SUSD6: variants seen among roughly 807,000 people sequenced by gnomAD.
SUSD6 encodes sushi domain-containing protein 6.
Under a neutral mutation model 28.4 loss-of-function variants are expected in SUSD6, and 16 were observed. The observed-to-expected ratio is 0.56, with a 90% CI of 0.38 to 0.86. The LOEUF is 0.86. SUSD6 is among the 40% of genes least tolerant of loss of function. The pLI, the probability that SUSD6 is intolerant of heterozygous loss-of-function variation, is 0.00. For synonymous variants in SUSD6, 147 were observed against 159.6 expected (o/e 0.92, Z 0.59); for missense variants, 341 against 384.2 (o/e 0.89, Z 0.94).
rs1886521314 is a variant in SUSD6 at position 69,714,656 on chromosome 14, G to T, written c.*3677G>T. ...ATGGTGTAGTTGCTGGTTCCCTAGAGAGGAAAAGGTGGCAGGCCCAGCTTT... is the reference window on the plus strand; with the variant it reads ...ATGGTGTAGTTGCTGGTTCCCTAGATAGGAAAAGGTGGCAGGCCCAGCTTT... On this transcript the variant is annotated 3_prime_UTR_variant, in exon 6 of 6. Transcript: ENST00000342745. The T allele has an allele frequency of 6.6e-6, 1 of 152,262 alleles. No individual in the cohort carries two copies. Among genetic ancestry groups the T allele is most frequent in the Non-Finnish European group, 1.5e-5 (1 of 68,082 alleles). 9.4% of individuals were successfully genotyped at this position (152,262 alleles called of 1,614,324 possible).
intron 2 of SUSD6, among the ~76,000 whole-genome samples, chr14:69,672,212 C>T (rs1829109211): frequency 6.6e-6 from 1 of 152,160 alleles, no homozygotes. Context: ...GCTTGAAGCC[C>T]AAACCTATGG....
At chr14:69,655,653 AG>A (rs1162611257) in intron 1 of SUSD6, among the ~76,000 whole-genome samples, 2 of 151,552 alleles carry the variant, frequency 1.3e-5, no homozygotes, top group East Asian at 3.9e-4. Flanking sequence ...AAAAAAAAAA[AG>A]TTAGGTGTGG....
chr14:69,657,163 A>T (rs1364464130), intron 1 of SUSD6, among the ~76,000 whole-genome samples: 1 of 152,152 alleles, frequency 6.6e-6, no homozygotes, highest in Non-Finnish European at 1.5e-5. Flanking sequence ...ACAGATTAAA[A>T]TCAGATTTGG....
At chr14:69,687,308 G>A (rs149040747) in intron 2 of SUSD6, among the ~76,000 whole-genome samples, 59 of 151,584 alleles carry the variant, frequency 3.9e-4, no homozygotes, top group African/African-American at 1.3e-3. Context: ...ACGGGGTTTC[G>A]CCGTGTTGGC....
intron 1 of SUSD6, among the ~76,000 whole-genome samples, chr14:69,651,575 G>A (rs1253504331): frequency 1.3e-5 from 2 of 152,214 alleles, no homozygotes; most frequent in African/African-American, 4.8e-5. Flanking sequence ...GGTAAAATAT[G>A]TGGCTGTCGA....
intron 2 of SUSD6, among the ~76,000 whole-genome samples, chr14:69,676,507 G>C (rs1035864896): frequency 2.6e-5 from 4 of 152,086 alleles, no homozygotes; most frequent in Non-Finnish European, 5.9e-5. Flanking sequence ...AGCCTTCTGA[G>C]TAGCTGGGAC....
In SUSD6 at chr14:69,714,837, C is replaced by G. The variant is rs1337532616; in HGVS notation, c.*3858C>G. 6.6e-6 allele frequency: 1 copy of G among 152,180 alleles called. No homozygotes were observed. Among genetic ancestry groups the G allele is most frequent in the Non-Finnish European group, 1.5e-5 (1 of 68,056 alleles). 9.4% of individuals were successfully genotyped at this position (152,180 alleles called of 1,614,324 possible). A position where few individuals can be genotyped will look rare whatever the true frequency, so the allele number is the denominator to read the frequency against. ...AGCAAGGAGGAGAGATGTACGTGGG[C>G]TGTGTGGCAGTCCCCACACCCTGCC... On this transcript the variant is annotated 3_prime_UTR_variant, in exon 6 of 6. Coordinates refer to ENST00000342745, the MANE Select transcript of SUSD6 (RefSeq NM_014734.4).
At chr14:69,646,700 C>CTTTTTTTTTT (rs61409476) in intron 1 of SUSD6, among the ~76,000 whole-genome samples, 2 of 109,220 alleles carry the variant, frequency 1.8e-5, no homozygotes, top group African/African-American at 7.0e-5. Flanking sequence ...TTTTTTCCAT[C>CTTTTTTTTTT]TTTTTTTTTT....
intron 2 of SUSD6, among the ~76,000 whole-genome samples, chr14:69,672,730 C>T (rs908859326): frequency 6.6e-6 from 1 of 152,192 alleles, no homozygotes; most frequent in Non-Finnish European, 1.5e-5. Flanking sequence ...CCTGCTCAGG[C>T]CAGTTTTGCT....
rs563593438 is a variant in SUSD6 at position 69,707,003 on chromosome 14, G to A, written c.459-1674G>A. On this transcript the variant is annotated intron_variant, in intron 4 of 5. Transcript: ENST00000342745. ...GACATTCTTTGAGACAGCTGGCCTG[G>A]ACTCTTTAAAAAAAAAAAAAAGCCA... 2.7e-5 allele frequency among the ~76,000 whole-genome samples: 4 copies of A among 149,888 alleles called. No homozygotes were observed. In the East Asian group the frequency reaches 7.8e-4, roughly 29 times the overall value.
chr14:69,671,137 T>A (rs955020995), intron 2 of SUSD6, among the ~76,000 whole-genome samples: 3 of 152,088 alleles, frequency 2.0e-5, no homozygotes, highest in South Asian at 4.1e-4. Context: ...GTCAGAATTG[T>A]GGAGGAGGAG....
intron 5 of SUSD6, among the ~76,000 whole-genome samples, chr14:69,710,451 C>T (rs1487409549): frequency 1.3e-5 from 2 of 152,200 alleles, no homozygotes; most frequent in African/African-American, 2.4e-5. Flanking sequence ...GTTCAGAAAA[C>T]AAGACACATT....
intron 1 of SUSD6, among the ~76,000 whole-genome samples, chr14:69,631,617 A>G (rs1361122679): frequency 2.0e-5 from 3 of 152,222 alleles, no homozygotes; most frequent in Non-Finnish European, 4.4e-5. Context: ...CTAAGCACTC[A>G]AATGCCAGTT....
At chr14:69,635,701 G>A (rs1460251587) in intron 1 of SUSD6, among the ~76,000 whole-genome samples, 1 of 151,840 alleles carries the variant, frequency 6.6e-6, no homozygotes, top group African/African-American at 2.4e-5. Flanking sequence ...AGAACACAGG[G>A]TTCCCATTAT....
chr14:69,695,604 G>A (rs548161349), intron 2 of SUSD6, among the ~76,000 whole-genome samples: 1 of 152,268 alleles, frequency 6.6e-6, no homozygotes, highest in Non-Finnish European at 1.5e-5. Flanking sequence ...GATTATGGGT[G>A]TGAGAGAAGC....
rs537032304 is a variant in SUSD6, at chr14:69,633,288, T to C, written c.-81+21460T>C. On this transcript the variant is annotated intron_variant, in intron 1 of 5. Transcript: ENST00000342745. ...GTTGAATACTCAATACTTTGTGGAATAGCCAGAGTCTGCTATGTGACAGAT... is the reference window on the plus strand; with the variant it reads ...GTTGAATACTCAATACTTTGTGGAACAGCCAGAGTCTGCTATGTGACAGAT... Among the ~76,000 whole-genome samples, 19 of 152,394 alleles carry C rather than the reference T, an allele frequency of 1.2e-4. No homozygotes were observed. In the South Asian group the frequency reaches 3.7e-3, roughly 30 times the overall value.
intron 2 of SUSD6, among the ~76,000 whole-genome samples, chr14:69,691,509 G>A (rs907315935): frequency 3.3e-5 from 5 of 152,104 alleles, no homozygotes; most frequent in African/African-American, 1.2e-4. Context: ...CTTTCTTTGC[G>A]GTTGTCTAGG....
intron 2 of SUSD6, among the ~76,000 whole-genome samples, chr14:69,661,000 G>A (rs1885653614): frequency 6.6e-6 from 1 of 152,196 alleles, no homozygotes; most frequent in Non-Finnish European, 1.5e-5. Context: ...CATGTGAATG[G>A]AATGACTGTC....
intron 1 of SUSD6, among the ~76,000 whole-genome samples, chr14:69,654,263 C>T (rs1009372195): frequency 2.6e-5 from 4 of 152,222 alleles, no homozygotes; most frequent in African/African-American, 9.7e-5. Context: ...TTTGGCAGAC[C>T]TTTGCTACCT....
Sources: allele counts gnomAD v4.1 joint callset (sites outside exome capture counted in the v4.1 genomes callset), GRCh38; gene constraint gnomAD v4.1.1; transcripts MANE v1.5; gene names NCBI Gene and HGNC (gene_info 2026-07-23, HGNC 2026-07-21).